Variants in SEMA4D observed in about 807,000 individuals in gnomAD.
SEMA4D encodes the protein semaphorin-4D.
A neutral mutation model predicts 74.8 loss-of-function variants in SEMA4D; 22 were observed. The ratio of observed to expected loss-of-function variants is 0.29; its 90% CI spans 0.21 to 0.42. SEMA4D has a LOEUF of 0.42. Among genes scored for constraint, SEMA4D ranks in the 10% least tolerant of loss-of-function variants. SEMA4D has a pLI of 1.00. For synonymous variants in SEMA4D, 445 were observed against 463.7 expected (o/e 0.96, Z 0.52); for missense variants, 937 against 1,118.4 (o/e 0.84, Z 2.31).
At chr9:89,465,504 G>A (rs1219800832) in intron 1 of SEMA4D, among the ~76,000 whole-genome samples, 1 of 152,220 alleles carries the variant, frequency 6.6e-6, no homozygotes, top group Admixed American at 6.5e-5. Context: ...TTGATAATTA[G>A]GGGGCTTCCT....
chr9:89,376,646 T>A (rs1835825628), downstream of SEMA4D: 1 of 829,644 alleles, frequency 1.2e-6, no homozygotes, highest in South Asian at 2.1e-5. Context: ...CTTCACACTG[T>A]CTACAGTTTC....
chr9:89,375,070 T>C (rs1835604812), downstream of SEMA4D, among the ~76,000 whole-genome samples: 1 of 151,728 alleles, frequency 6.6e-6, no homozygotes, highest in Non-Finnish European at 1.5e-5. Flanking sequence ...AATAAATAAA[T>C]AACCAACCAA....
At chr9:89,442,433 G>A (rs149150232) in intron 2 of SEMA4D, among the ~76,000 whole-genome samples, 251 of 152,232 alleles carry the variant, frequency 1.6e-3, no homozygotes, top group African/African-American at 5.7e-3. Context: ...AAAATGCAGT[G>A]GAATAGAAAA....
intron 1 of SEMA4D, among the ~76,000 whole-genome samples, chr9:89,491,468 G>A (rs948483228): frequency 6.6e-6 from 1 of 152,146 alleles, no homozygotes; most frequent in Non-Finnish European, 1.5e-5. Context: ...TACTCAGGAG[G>A]CTGACGCAGG....
At chr9:89,478,817 A>T (rs553639732) in intron 1 of SEMA4D, among the ~76,000 whole-genome samples, 9 of 72,976 alleles carry the variant, frequency 1.2e-4, no homozygotes, top group Non-Finnish European at 1.8e-4. Context: ...TTGGGCAGCC[A>T]CCGCTTTTGT....
In SEMA4D at chr9:89,362,287, T is replaced by C; in HGVS notation, c.*115A>G. 1.9e-6 allele frequency: 3 copies of C among 1,584,860 alleles called. 1 individual carries two copies. In the East Asian group the frequency reaches 6.7e-5, roughly 35 times the overall value. On this transcript the variant is annotated 3_prime_UTR_variant, in exon 19 of 19. Transcript: ENST00000339861. ...CCAATGGCTGTGTTCAGAGCAGGCT[T>C]GGGCAAGACAGTTCACAGTTGTGGG... is the stretch of plus-strand genomic sequence containing the variant.
chr9:89,362,076 C>G, exon 19 of SEMA4D: 1 of 519,864 alleles, frequency 1.9e-6, no homozygotes, highest in Admixed American at 3.2e-5. Context: ...GGAACCTGCA[C>G]ACACCCTGCT....
At chr9:89,410,660 T>C (rs1844329136) in intron 2 of SEMA4D, among the ~76,000 whole-genome samples, 1 of 152,114 alleles carries the variant, frequency 6.6e-6, no homozygotes, top group Admixed American at 6.5e-5. Flanking sequence ...TGAGGAATTA[T>C]TAAAGCAGTA....
intron 2 of SEMA4D, among the ~76,000 whole-genome samples, chr9:89,436,750 G>A (rs1013537335): frequency 2.0e-5 from 3 of 152,200 alleles, no homozygotes; most frequent in Non-Finnish European, 2.9e-5. Context: ...GGGGGGTTGC[G>A]GCCCAGCACC....
intron 2 of SEMA4D, among the ~76,000 whole-genome samples, chr9:89,407,314 TTC>T (rs35996299): frequency 0.31 from 46,852 of 151,860 alleles, 7,393 homozygotes; most frequent in African/African-American, 0.35. Context: ...CCCTCAGTCC[TTC>T]TCTTCCTGCT....
intron 1 of SEMA4D, among the ~76,000 whole-genome samples, chr9:89,463,935 G>GTC: frequency 1.2e-5 from 1 of 81,388 alleles, no homozygotes; most frequent in Admixed American, 1.4e-4. Context: ...CTCCGTCTCA[G>GTC]ACAAAAAAAA....
chr9:89,390,643 T>TG (rs780249239), intron 9 of SEMA4D, among the ~76,000 whole-genome samples: 121 of 152,338 alleles, frequency 7.9e-4, no homozygotes, highest in Non-Finnish European at 1.4e-3. Flanking sequence ...AATGGCTACC[T>TG]GCTCCGAGAT....
rs139396668 is a variant in SEMA4D, at chr9:89,396,752, C to A, written c.399G>T (p.Pro133=). 6.2e-7 allele frequency: 1 copy of A among 1,613,554 alleles called. No individual in the cohort carries two copies. Among genetic ancestry groups the A allele is most frequent in the Admixed American group, 1.7e-5 (1 of 59,986 alleles). The stretch of plus-strand genomic sequence containing the variant: ...TCAGCCTTACCAGGTGGTCACAGGC[C>A]GGCTGGAATGCGTTGGTCCCACACA... ...LYVCGTNAFQ[P]ACDHLNLTSF... The change falls in exon 6 of 16, where the codon CCG becomes CCT. Residue 133 remains proline, a synonymous_variant. Coordinates refer to ENST00000422704, the MANE Select transcript of SEMA4D (RefSeq NM_001371194.2).
intron 13 of SEMA4D, chr9:89,385,277 T>C (rs1246446891): frequency 1.0e-6 from 1 of 985,320 alleles, no homozygotes; most frequent in East Asian, 1.1e-4. Flanking sequence ...TTCTCACGAA[T>C]GTCCACACCA....
chr9:89,410,466 C>G (rs1447048846), intron 2 of SEMA4D, among the ~76,000 whole-genome samples: 1 of 152,036 alleles, frequency 6.6e-6, no homozygotes, highest in Non-Finnish European at 1.5e-5. Context: ...CAAAGAAACA[C>G]AACCTGGAAA....
chr9:89,460,937 G>A (rs544177907), intron 1 of SEMA4D, among the ~76,000 whole-genome samples: 12 of 152,306 alleles, frequency 7.9e-5, no homozygotes, highest in African/African-American at 2.9e-4. Context: ...AAGGCGACCT[G>A]CTGTTCCCCA....
Position 89,377,833 on chromosome 9 carries a change from C to T in SEMA4D, c.*871G>A, listed in dbSNP as rs1836066339. The T allele has an allele frequency of 6.6e-6, 1 of 152,048 alleles. No homozygotes were observed. The highest frequency in any genetic ancestry group is 1.5e-5 in the Non-Finnish European group (1 of 68,000). 9.4% of individuals were successfully genotyped at this position (152,048 alleles called of 1,614,324 possible). A position where few individuals can be genotyped will look rare whatever the true frequency, so the allele number is the denominator to read the frequency against. On this transcript the variant is annotated 3_prime_UTR_variant, in exon 16 of 16. Coordinates refer to ENST00000422704, the MANE Select transcript of SEMA4D (RefSeq NM_001371194.2). ...ACTCAGCTCATCCAGGCTACCTTCC[C>T]TTGCTCAAAACCCACCTCGTGGATG...
At chr9:89,414,417 C>T (rs1349616092) in intron 2 of SEMA4D, among the ~76,000 whole-genome samples, 1 of 152,292 alleles carries the variant, frequency 6.6e-6, no homozygotes. Context: ...AGGACACGCA[C>T]TCACCACATC....
rs935216289 is a variant in SEMA4D at position 89,405,717 on chromosome 9, A to C, written c.-243-18T>G. 2.1e-5 allele frequency: 29 copies of C among 1,407,312 alleles called. No homozygotes were observed. The African/African-American group carries it at 4.0e-4, about 20-fold the overall frequency. The allele number at this position is 1,407,312 out of a possible 1,614,324, so 87.2% of individuals were successfully genotyped here. A position where few individuals can be genotyped will look rare whatever the true frequency, so the allele number is the denominator to read the frequency against. ...AAGAAATGCTGGAAGGACATGAGAA[A>C]GAAAAGGCAGGACCCATGGTGAGTG... On this transcript the variant is annotated intron_variant, in intron 2 of 15. Transcript: ENST00000422704.
Sources: allele counts gnomAD v4.1 joint callset (sites outside exome capture counted in the v4.1 genomes callset), GRCh38; gene constraint gnomAD v4.1.1; transcripts MANE v1.5; gene names NCBI Gene and HGNC (gene_info 2026-07-23, HGNC 2026-07-21).